The following TRAPPC9 variants were observed in gnomAD, a reference collection of about 807,000 sequenced individuals.
TRAPPC9 encodes the protein IKK2 binding protein.
TRAPPC9 carries 83 observed loss-of-function variants against 124.0 expected under a neutral mutation model. That is an observed-to-expected ratio of 0.67 (90% CI 0.56 to 0.80). TRAPPC9 has a LOEUF of 0.80. Ranked by LOEUF, TRAPPC9 falls within the 30% of genes least tolerant of loss-of-function variation. The probability of loss-of-function intolerance (pLI) is 0.00; values close to 1 mark genes in which losing one functional copy is unlikely to be tolerated. For synonymous variants in TRAPPC9, 638 were observed against 617.5 expected (o/e 1.03, Z -0.49); for missense variants, 1,302 against 1,508.3 (o/e 0.86, Z 2.27).
chr8:140,049,493 G>T (rs570345509), intron 17 of TRAPPC9, among the ~76,000 whole-genome samples: 1 of 152,034 alleles, frequency 6.6e-6, no homozygotes, highest in Admixed American at 6.6e-5. Context: ...CCGGCCCTCG[G>T]TGATGTGTTC....
At chr8:140,272,356 A>AGTGGTGGTAGTGGT (rs1554658155) in intron 15 of TRAPPC9, among the ~76,000 whole-genome samples, 5 of 104,528 alleles carry the variant, frequency 4.8e-5, no homozygotes, top group Non-Finnish European at 7.4e-5. Context: ...CAGTGGAGAG[A>AGTGGTGGTAGTGGT]GTGGTGGTAG....
At chr8:140,400,629 T>G (rs1282791356) in intron 6 of TRAPPC9, among the ~76,000 whole-genome samples, 1 of 152,222 alleles carries the variant, frequency 6.6e-6, no homozygotes, top group Non-Finnish European at 1.5e-5. Flanking sequence ...AGAAAAGCCT[T>G]CGTGGAATTT....
chr8:140,186,255 G>A (rs1187691726), intron 17 of TRAPPC9, among the ~76,000 whole-genome samples: 3 of 152,126 alleles, frequency 2.0e-5, no homozygotes, highest in Non-Finnish European at 4.4e-5. Flanking sequence ...TTTTATCACT[G>A]TTCCTTGCTC....
chr8:140,123,338 T>G (rs1251613129), intron 17 of TRAPPC9, among the ~76,000 whole-genome samples: 1 of 152,180 alleles, frequency 6.6e-6, no homozygotes, highest in East Asian at 1.9e-4. Flanking sequence ...TTAAGTGAAA[T>G]TGCACATTTC....
At chr8:139,947,743 C>T (rs1834318118) in intron 19 of TRAPPC9, among the ~76,000 whole-genome samples, 1 of 150,648 alleles carries the variant, frequency 6.6e-6, no homozygotes, top group African/African-American at 2.4e-5. Context: ...TGGCGGGCAC[C>T]TGTAATCCCA....
chr8:139,958,929 G>GGGGAGCCCTGCATTCCAAGTCACACA (rs1835180946), intron 19 of TRAPPC9, among the ~76,000 whole-genome samples: 1 of 75,990 alleles, frequency 1.3e-5, no homozygotes, highest in South Asian at 4.2e-4. Flanking sequence ...CGAGTCACAC[G>GGGGAGCCCTGCATTCCAAGTCACACA]GGGGAGCACT....
At chr8:140,248,649 T>A (rs62527489) in intron 16 of TRAPPC9, among the ~76,000 whole-genome samples, 3,904 of 152,350 alleles carry the variant, frequency 0.026, 72 homozygotes, top group African/African-American at 0.048. Flanking sequence ...ATTCAAAACC[T>A]AAGACAGTTT....
intron 15 of TRAPPC9, among the ~76,000 whole-genome samples, chr8:140,261,930 A>G (rs77922192): frequency 0.014 from 2,163 of 152,306 alleles, 32 homozygotes; most frequent in African/African-American, 0.049. Context: ...CATTTAGCAT[A>G]CTAGTTACTG....
intron 17 of TRAPPC9, among the ~76,000 whole-genome samples, chr8:140,033,658 G>GTTTTTTTTTTTTTTTTGTTGTTTTTTTT (rs1840651880): frequency 2.4e-5 from 1 of 42,366 alleles, no homozygotes; most frequent in Non-Finnish European, 5.5e-5. Context: ...TCATAATGTG[G>GTTTTTTTTTTTTTTTTGTTGTTTTTTTT]TTTTTTTTTT....
At chr8:140,273,262 C>G (rs1478290976) in intron 15 of TRAPPC9, among the ~76,000 whole-genome samples, 1 of 152,228 alleles carries the variant, frequency 6.6e-6, no homozygotes, top group Non-Finnish European at 1.5e-5. Context: ...AGCTGCCTCC[C>G]TCCTCGCACT....
At chr8:140,310,827 T>C (rs1394032698) in intron 10 of TRAPPC9, among the ~76,000 whole-genome samples, 1 of 151,568 alleles carries the variant, frequency 6.6e-6, no homozygotes, top group Non-Finnish European at 1.5e-5. Flanking sequence ...AGGTGGGAGC[T>C]GGCAAGTGCT....
At chr8:139,865,721 G>A (rs1828482893) in intron 21 of TRAPPC9, among the ~76,000 whole-genome samples, 1 of 152,178 alleles carries the variant, frequency 6.6e-6, no homozygotes, top group African/African-American at 2.4e-5. Flanking sequence ...GAACCCAGTT[G>A]GTCCAGGGAG....
At chr8:139,959,507 T>C (rs988687802) in intron 19 of TRAPPC9, among the ~76,000 whole-genome samples, 2 of 152,198 alleles carry the variant, frequency 1.3e-5, no homozygotes, top group African/African-American at 4.8e-5. Context: ...GCCGTGGACC[T>C]TGAGCTGTTG....
intron 11 of TRAPPC9, among the ~76,000 whole-genome samples, chr8:140,293,102 A>C (rs2065709105): frequency 6.7e-6 from 1 of 148,564 alleles, no homozygotes; most frequent in Non-Finnish European, 1.5e-5. Context: ...CAGCCAAAAA[A>C]CACATGAAAA....
intron 16 of TRAPPC9, among the ~76,000 whole-genome samples, chr8:140,249,321 G>A (rs771441173): frequency 2.0e-5 from 3 of 152,080 alleles, no homozygotes; most frequent in Non-Finnish European, 4.4e-5. Flanking sequence ...TAGGATAATG[G>A]CTTCCAGATG....
At chr8:139,738,221 G>A (rs527748134) in intron 21 of TRAPPC9, among the ~76,000 whole-genome samples, 272 of 152,306 alleles carry the variant, frequency 1.8e-3, no homozygotes, top group African/African-American at 4.1e-3. Context: ...GCCCGTGGTA[G>A]GGGGGTCATG....
chr8:140,217,306 C>T (rs1030303992), intron 17 of TRAPPC9, among the ~76,000 whole-genome samples: 6 of 152,078 alleles, frequency 3.9e-5, no homozygotes, highest in African/African-American at 1.4e-4. Flanking sequence ...TTGAGGAGGT[C>T]CTACTCGGGA....
upstream of TRAPPC9, chr8:140,457,840 G>T (rs1034633808): frequency 8.3e-6 from 9 of 1,087,616 alleles, no homozygotes; most frequent in South Asian, 1.4e-4. Context: ...GGGAAGCAAG[G>T]GGGTAGGAGC....
In TRAPPC9 at chr8:140,353,102, G is replaced by A. The variant is rs957725165; in HGVS notation, c.1495+6948C>T. Among the ~76,000 whole-genome samples, 4 of 152,138 alleles carry A rather than the reference G, an allele frequency of 2.6e-5. No individual in the cohort carries two copies. Among genetic ancestry groups the A allele is most frequent in the African/African-American group, 9.7e-5 (4 of 41,434 alleles). ...CCCAGAGGCCTCCAGAAAGACACTG[G>A]ACCACAGTAGAAGAGGTAAACCAAA... On this transcript the variant is annotated intron_variant, in intron 9 of 22. Coordinates refer to ENST00000438773, the MANE Select transcript of TRAPPC9 (RefSeq NM_001160372.4). This position sits in a 1 kb window ranked among gnomAD's most constrained non-coding sequence, Gnocchi z 4.2.
Sources: allele counts gnomAD v4.1 joint callset (sites outside exome capture counted in the v4.1 genomes callset), GRCh38; gene constraint gnomAD v4.1.1; non-coding constraint Gnocchi (gnomAD v3.1); transcripts MANE v1.5; gene names NCBI Gene and HGNC (gene_info 2026-07-23, HGNC 2026-07-21).